The following RASGRP1 variants were observed in gnomAD, a reference collection of about 807,000 sequenced individuals.
RASGRP1 encodes RAS guanyl-releasing protein 1.
RASGRP1 carries 37 observed loss-of-function variants against 95.1 expected under a neutral mutation model. The observed-to-expected ratio is 0.39, with a 90% CI of 0.30 to 0.51. The LOEUF (loss-of-function observed/expected upper bound fraction) is 0.51, where lower values mean the gene tolerates loss of function less well. Among genes scored for constraint, RASGRP1 ranks in the 20% least tolerant of loss-of-function variants. The probability of loss-of-function intolerance (pLI) is 0.80; values close to 1 mark genes in which losing one functional copy is unlikely to be tolerated. For synonymous variants in RASGRP1, 325 were observed against 353.4 expected (o/e 0.92, Z 0.90); for missense variants, 711 against 965.4 (o/e 0.74, Z 3.49).
At chr15:38,528,200 G>T (rs1232865742) in intron 2 of RASGRP1, among the ~76,000 whole-genome samples, 1 of 151,888 alleles carries the variant, frequency 6.6e-6, no homozygotes, top group Non-Finnish European at 1.5e-5. Context: ...CTCTCTGTGG[G>T]TTTATTTCCA....
intron 2 of RASGRP1, among the ~76,000 whole-genome samples, chr15:38,539,162 C>A (rs1332854555): frequency 6.6e-6 from 1 of 152,058 alleles, no homozygotes; most frequent in Non-Finnish European, 1.5e-5. Context: ...TGAGGTAAAC[C>A]CTGCCCTTTC....
intron 13 of RASGRP1, 72 bp downstream of exon 13, chr15:38,501,071 G>A (rs1171010818): frequency 4.6e-5 from 67 of 1,464,810 alleles, no homozygotes; most frequent in Non-Finnish European, 6.1e-5. Flanking sequence ...GGATTGTGAG[G>A]TCTGTGCCTG....
At chr15:38,537,721 C>T (rs966610855) in intron 2 of RASGRP1, among the ~76,000 whole-genome samples, 1 of 152,182 alleles carries the variant, frequency 6.6e-6, no homozygotes, top group East Asian at 1.9e-4. Flanking sequence ...TACATTTCAA[C>T]ATGAGATTTG....
chr15:38,503,963 T>C (rs57640673), intron 10 of RASGRP1: 10,395 of 153,928 alleles, frequency 0.068, 533 homozygotes, highest in East Asian at 0.17. Context: ...CTATTTGGTA[T>C]AGCCTACTGC....
intron 10 of RASGRP1, among the ~76,000 whole-genome samples, chr15:38,505,591 G>A (rs1048486125): frequency 6.6e-6 from 1 of 150,774 alleles, no homozygotes; most frequent in African/African-American, 2.4e-5. Context: ...GTTATTTACT[G>A]TTCACTAGTT....
chr15:38,516,574 G>C (rs535368031), intron 5 of RASGRP1, among the ~76,000 whole-genome samples: 2 of 152,174 alleles, frequency 1.3e-5, no homozygotes, highest in Admixed American at 1.3e-4. Flanking sequence ...TAAGTGTGCA[G>C]TTGGGTACAG....
At chr15:38,549,130 TCA>T (rs1309102173) in intron 2 of RASGRP1, among the ~76,000 whole-genome samples, 1 of 152,136 alleles carries the variant, frequency 6.6e-6, no homozygotes, top group Non-Finnish European at 1.5e-5. Flanking sequence ...TGGCAGTAAT[TCA>T]CAGTCTGGAC....
chr15:38,530,865 T>A (rs1892407061), intron 2 of RASGRP1, among the ~76,000 whole-genome samples: 1 of 152,314 alleles, frequency 6.6e-6, no homozygotes, highest in South Asian at 2.1e-4. Flanking sequence ...ATATCTGAAG[T>A]GTTCTTTGTG....
intron 2 of RASGRP1, among the ~76,000 whole-genome samples, chr15:38,528,137 C>T (rs554187818): frequency 1.3e-5 from 2 of 152,176 alleles, no homozygotes; most frequent in African/African-American, 2.4e-5. Flanking sequence ...CCCCCTTTCT[C>T]AAGGACGTTG....
chr15:38,494,604 A>AG lies in RASGRP1; in HGVS notation c.2036dup (p.Trp680LeufsTer5). ...CTGAAGGGCCCTCACTGCCAATCCAAGGCTGTGATTCAGTCTGGGTGGCCT... is the reference window on the plus strand; with the variant it reads ...CTGAAGGGCCCTCACTGCCAATCCAAGGGCTGTGATTCAGTCTGGGTGGCCT... On this transcript the variant is annotated frameshift_variant, in exon 16 of 17. Coordinates refer to ENST00000310803, the MANE Select transcript of RASGRP1 (RefSeq NM_005739.4). LOFTEE classifies it high-confidence loss of function. 1 of 1,560,566 alleles carries AG rather than the reference A, an allele frequency of 6.4e-7. No homozygotes were observed. Among genetic ancestry groups the AG allele is most frequent in the Non-Finnish European group, 8.6e-7 (1 of 1,157,736 alleles).
intron 1 of RASGRP1, among the ~76,000 whole-genome samples, chr15:38,564,166 T>C (rs1235915925): frequency 6.6e-6 from 1 of 152,150 alleles, no homozygotes; most frequent in African/African-American, 2.4e-5. Flanking sequence ...TCCTCGGCCG[T>C]TCTGGGCAGG....
rs931324292 is a variant in RASGRP1, at chr15:38,541,406, C to T, written c.221-15002G>A. 1.1e-4 allele frequency among the ~76,000 whole-genome samples: 16 copies of T among 152,092 alleles called. No individual in the cohort carries two copies. In the East Asian group the frequency reaches 2.1e-3, roughly 20 times the overall value. Reference sequence around the variant, plus strand: ...AGGAGTTTGAGACCAGCCTGGGCAACGCAGCAGGACCTCATCTCTACTGAG... The same window carrying T: ...AGGAGTTTGAGACCAGCCTGGGCAATGCAGCAGGACCTCATCTCTACTGAG... On this transcript the variant is annotated intron_variant, in intron 2 of 16. Coordinates refer to ENST00000310803, the MANE Select transcript of RASGRP1 (RefSeq NM_005739.4).
intron 3 of RASGRP1, among the ~76,000 whole-genome samples, chr15:38,523,191 C>T (rs1015674588): frequency 6.6e-6 from 1 of 152,144 alleles, no homozygotes; most frequent in Non-Finnish European, 1.5e-5. Flanking sequence ...CATGAAAATA[C>T]AGTCATGTGC....
intron 13 of RASGRP1, among the ~76,000 whole-genome samples, chr15:38,500,600 C>T (rs1206706859): frequency 1.3e-5 from 2 of 151,970 alleles, no homozygotes; most frequent in Admixed American, 1.3e-4. Context: ...CCTGCCTTGG[C>T]CTCCCAAAGT....
chr15:38,512,469 T>C (rs1454287285), intron 7 of RASGRP1, among the ~76,000 whole-genome samples: 1 of 152,230 alleles, frequency 6.6e-6, no homozygotes, highest in Admixed American at 6.5e-5. Flanking sequence ...TCCTTTGCCA[T>C]GTGGGCCAGA....
intron 2 of RASGRP1, among the ~76,000 whole-genome samples, chr15:38,549,862 C>T (rs146664474): frequency 8.5e-4 from 130 of 152,130 alleles, no homozygotes; most frequent in Admixed American, 6.5e-3. Flanking sequence ...TCCTTCACAC[C>T]ACTGCCCACC....
In RASGRP1 at chr15:38,500,780, T is replaced by C. The variant is rs556348630; in HGVS notation, c.1683+363A>G. Among the ~76,000 whole-genome samples the C allele has an allele frequency of 9.2e-5, 14 of 152,268 alleles. No homozygotes were observed. In the South Asian group the frequency reaches 2.7e-3, roughly 29 times the overall value. Reference sequence around the variant, plus strand: ...CCCGAGTTTAGGGGGAAACGATTGGTCAGGAGTGGAACGGAAGAGGGGCAT... The same window carrying C: ...CCCGAGTTTAGGGGGAAACGATTGGCCAGGAGTGGAACGGAAGAGGGGCAT... On this transcript the variant is annotated intron_variant, in intron 13 of 16. Transcript: ENST00000310803.
chr15:38,526,091 C>G (rs535659757), intron 3 of RASGRP1, among the ~76,000 whole-genome samples: 1 of 152,070 alleles, frequency 6.6e-6, no homozygotes, highest in East Asian at 1.9e-4. Flanking sequence ...CCCCCCAGAG[C>G]AATCAGCATC....
chr15:38,531,054 C>T (rs948676726), intron 2 of RASGRP1, among the ~76,000 whole-genome samples: 1 of 152,202 alleles, frequency 6.6e-6, no homozygotes, highest in Non-Finnish European at 1.5e-5. Flanking sequence ...AAGAGCAACA[C>T]TTAATAAGCA....
Sources: allele counts gnomAD v4.1 joint callset (sites outside exome capture counted in the v4.1 genomes callset), GRCh38; gene constraint gnomAD v4.1.1; transcripts MANE v1.5; gene names NCBI Gene and HGNC (gene_info 2026-07-23, HGNC 2026-07-21).